Variants in SCD5 observed in about 807,000 individuals in gnomAD.
The protein encoded by SCD5 is acyl-CoA-desaturase 4.
A neutral mutation model predicts 30.4 loss-of-function variants in SCD5; 20 were observed. The ratio of observed to expected loss-of-function variants is 0.66; its 90% confidence interval spans 0.46 to 0.96. The LOEUF is 0.96. Among genes scored for constraint, SCD5 ranks in the 40% least tolerant of loss-of-function variants. The pLI, the probability that SCD5 is intolerant of heterozygous loss-of-function variation, is 0.00. For missense variants in SCD5, 381 were observed against 443.3 expected (o/e 0.86, Z 1.26); for synonymous variants, 173 against 176.4 (o/e 0.98, Z 0.16).
chr4:82,641,272 A>G (rs1427093950), intron 3 of SCD5, among the ~76,000 whole-genome samples: 1 of 150,634 alleles, frequency 6.6e-6, no homozygotes, highest in East Asian at 2.0e-4. Flanking sequence ...AAAAAAAAAA[A>G]AAAAAAAAAG....
At chr4:82,662,049 T>C (rs1053760195) in intron 3 of SCD5, among the ~76,000 whole-genome samples, 8 of 151,974 alleles carry the variant, frequency 5.3e-5, no homozygotes, top group Non-Finnish European at 8.8e-5. Flanking sequence ...AACAGAACAG[T>C]GTATGTTATT....
rs72661258 is a variant in SCD5 at position 82,690,240 on chromosome 4, G to T, written c.364-9328C>A. 6.0e-4 allele frequency among the ~76,000 whole-genome samples: 92 copies of T among 152,220 alleles called. No homozygotes were observed. In the South Asian group the frequency reaches 8.3e-3, roughly 14 times the overall value. On this transcript the variant is annotated intron_variant, in intron 2 of 4. Transcript: ENST00000319540. ...TGATGTCTATAACTTACTCCCAAAT[G>T]ATTCATAAAAAAAGAACACGTAAGA...
At chr4:82,689,691 A>G (rs1728789993) in intron 2 of SCD5, among the ~76,000 whole-genome samples, 1 of 152,236 alleles carries the variant, frequency 6.6e-6, no homozygotes, top group Non-Finnish European at 1.5e-5. Context: ...ATGAAGATAA[A>G]ATATTCATAT....
At chr4:82,792,294 G>A (rs1290048587) in intron 1 of SCD5, among the ~76,000 whole-genome samples, 1 of 152,100 alleles carries the variant, frequency 6.6e-6, no homozygotes, top group African/African-American at 2.4e-5. Flanking sequence ...TTACATTTGA[G>A]TCACAAGTAC....
At chr4:82,734,408 T>G (rs909667211) in intron 1 of SCD5, among the ~76,000 whole-genome samples, 1 of 152,206 alleles carries the variant, frequency 6.6e-6, no homozygotes, top group African/African-American at 2.4e-5. Context: ...TCAAAGCTCT[T>G]GGTAATCACA....
chr4:82,766,517 C>A (rs910104905), intron 1 of SCD5, among the ~76,000 whole-genome samples: 3 of 152,232 alleles, frequency 2.0e-5, no homozygotes, highest in Admixed American at 2.0e-4. Flanking sequence ...TATAATTATC[C>A]CAATTGCTTT....
At chr4:82,716,808 A>C (rs1341858320) in intron 1 of SCD5, among the ~76,000 whole-genome samples, 1 of 151,824 alleles carries the variant, frequency 6.6e-6, no homozygotes, top group East Asian at 1.9e-4. Flanking sequence ...AGCTAGACTC[A>C]GTCTCAATAA....
At chr4:82,723,258 G>A (rs1268728163) in intron 1 of SCD5, among the ~76,000 whole-genome samples, 1 of 152,014 alleles carries the variant, frequency 6.6e-6, no homozygotes, top group Non-Finnish European at 1.5e-5. Flanking sequence ...TGTTTGTGAC[G>A]TTTATTTATT....
At chr4:82,741,099 ATTT>A (rs34852290) in intron 1 of SCD5, among the ~76,000 whole-genome samples, 1,684 of 139,214 alleles carry the variant, frequency 0.012, 15 homozygotes, top group African/African-American at 0.019. Flanking sequence ...GTGCCAGCTA[ATTT>A]TTTTTTTTTT....
In SCD5 at chr4:82,756,499, G is replaced by A. The variant is rs1037980045; in HGVS notation, c.232+41807C>T. Among the ~76,000 whole-genome samples, 11 of 152,314 alleles carry A rather than the reference G, an allele frequency of 7.2e-5. No homozygotes were observed. The East Asian group carries it at 2.1e-3, about 30-fold the overall frequency. Reference sequence around the variant, plus strand: ...CCAGCACTTTGGGAGGCTGAGGCAGGTGGATCACTTGAGGTCAGGAGTTCA... The same window carrying A: ...CCAGCACTTTGGGAGGCTGAGGCAGATGGATCACTTGAGGTCAGGAGTTCA... On this transcript the variant is annotated intron_variant, in intron 1 of 4. Transcript: ENST00000319540.
At chr4:82,731,275 A>G (rs375343462) in intron 1 of SCD5, among the ~76,000 whole-genome samples, 141 of 152,320 alleles carry the variant, frequency 9.3e-4, no homozygotes, top group African/African-American at 3.2e-3. Flanking sequence ...TACGGAACAC[A>G]GCTGCTGGGT....
intron 1 of SCD5, among the ~76,000 whole-genome samples, chr4:82,745,329 C>T (rs1720957796): frequency 6.6e-6 from 1 of 152,206 alleles, no homozygotes; most frequent in Non-Finnish European, 1.5e-5. Flanking sequence ...GTCCACGTAA[C>T]CAATACATTA....
intron 2 of SCD5, among the ~76,000 whole-genome samples, chr4:82,697,114 T>G (rs1417841998): frequency 6.6e-6 from 1 of 152,200 alleles, no homozygotes; most frequent in Admixed American, 6.5e-5. Flanking sequence ...TCTAAAGATC[T>G]TTAGGAAAAG....
intron 1 of SCD5, among the ~76,000 whole-genome samples, chr4:82,712,268 A>ATG (rs1560540753): frequency 1.7e-4 from 8 of 45,750 alleles, no homozygotes; most frequent in South Asian, 7.4e-4. Flanking sequence ...ATATATATAT[A>ATG]TATATATATA....
chr4:82,772,517 G>T (rs1265210506), intron 1 of SCD5, among the ~76,000 whole-genome samples: 1 of 152,206 alleles, frequency 6.6e-6, no homozygotes, highest in African/African-American at 2.4e-5. Context: ...TTCACCATTT[G>T]TGACAATTCT....
intron 1 of SCD5, among the ~76,000 whole-genome samples, chr4:82,789,418 G>T (rs886339373): frequency 6.6e-6 from 1 of 152,192 alleles, no homozygotes; most frequent in African/African-American, 2.4e-5. Flanking sequence ...GGTTGAACTT[G>T]TGTGCAGATG....
Position 82,769,453 on chromosome 4 carries a change from A to AT in SCD5, c.232+28852dup, listed in dbSNP as rs774814625. Among the ~76,000 whole-genome samples, 8 of 152,166 alleles carry AT rather than the reference A, an allele frequency of 5.3e-5. No homozygotes were observed. In the East Asian group the frequency reaches 1.4e-3, roughly 26 times the overall value. On this transcript the variant is annotated intron_variant, in intron 1 of 4. Coordinates refer to ENST00000319540, the MANE Select transcript of SCD5 (RefSeq NM_001037582.3). ...TTCACCAATTTACAGAGGATTAGAGATTTTTTTAATAAATTGATACAAAAA... is the reference window on the plus strand; with the variant it reads ...TTCACCAATTTACAGAGGATTAGAGATTTTTTTTAATAAATTGATACAAAAA...
intron 1 of SCD5, among the ~76,000 whole-genome samples, chr4:82,731,449 T>G (rs1242390691): frequency 6.6e-6 from 1 of 152,180 alleles, no homozygotes; most frequent in Non-Finnish European, 1.5e-5. Flanking sequence ...CAATGAGACT[T>G]GCTGTGAGCC....
At chr4:82,677,323 G>A (rs1279410859) in intron 3 of SCD5, among the ~76,000 whole-genome samples, 1 of 152,206 alleles carries the variant, frequency 6.6e-6, no homozygotes, top group East Asian at 1.9e-4. Flanking sequence ...CATGAGAAGT[G>A]TGCCACTGAA....
Sources: gnomAD v4.1 joint callset for allele counts (sites outside exome capture counted in the v4.1 genomes callset) on GRCh38, gnomAD v4.1.1 for gene constraint, MANE v1.5 for transcripts, NCBI Gene and HGNC (gene_info 2026-07-23, HGNC 2026-07-21) for gene names.